Variants in CD8B2 observed in about 807,000 individuals in gnomAD.
The protein encoded by CD8B2 is CD8B family member 2.
A neutral mutation model predicts 23.7 loss-of-function variants in CD8B2; 11 were observed. The ratio of observed to expected loss-of-function variants is 0.46; its 90% CI spans 0.29 to 0.77. CD8B2 has a LOEUF of 0.77. Ranked by LOEUF, CD8B2 falls within the 30% of genes least tolerant of loss-of-function variation. The pLI is 0.09. For missense variants in CD8B2, 197 were observed against 270.5 expected (o/e 0.73, Z 1.91); for synonymous variants, 90 against 109.3 (o/e 0.82, Z 1.10).
At chr2:106,501,742 T>C (rs1573334469) in intron 3 of CD8B2, among the ~76,000 whole-genome samples, 1 of 152,038 alleles carries the variant, frequency 6.6e-6, no homozygotes, top group East Asian at 1.9e-4. Flanking sequence ...TACATAGGCA[T>C]GGAAAGAGAA....
intron 2 of CD8B2, among the ~76,000 whole-genome samples, chr2:106,493,842 C>T (rs1679243919): frequency 6.6e-6 from 1 of 152,216 alleles, no homozygotes; most frequent in African/African-American, 2.4e-5. Flanking sequence ...TTTCAGCTCT[C>T]TGAGCCTAGG....
intron 3 of CD8B2, among the ~76,000 whole-genome samples, chr2:106,497,960 A>G (rs1164902680): frequency 6.6e-6 from 1 of 152,098 alleles, no homozygotes; most frequent in African/African-American, 2.4e-5. Context: ...TGGCACCCCA[A>G]CCCCAGTGAT....
chr2:106,525,697 G>A (rs1204674827), intron 5 of CD8B2, among the ~76,000 whole-genome samples: 1 of 152,020 alleles, frequency 6.6e-6, no homozygotes, highest in African/African-American at 2.4e-5. Flanking sequence ...TACCTATTCT[G>A]GATATTTTAT....
chr2:106,490,748 C>T (rs1679178622), intron 1 of CD8B2, 126 bp from the exon 2 acceptor site: 16 of 1,496,858 alleles, frequency 1.1e-5, no homozygotes, highest in Non-Finnish European at 1.4e-5. Context: ...CAACACACTC[C>T]CTGGACCCAG....
chr2:106,528,924 G>A (rs1407256541), intron 5 of CD8B2, among the ~76,000 whole-genome samples: 1 of 152,220 alleles, frequency 6.6e-6, no homozygotes, highest in Non-Finnish European at 1.5e-5. Context: ...CCTGAAACCT[G>A]CAGCTGTAGG....
At chr2:106,513,703 G>T (rs1483770825), downstream of CD8B2, among the ~76,000 whole-genome samples, 1 of 151,912 alleles carries the variant, frequency 6.6e-6, no homozygotes, top group Admixed American at 6.6e-5. Flanking sequence ...CAAAAGGGAG[G>T]CCATGACTCC....
At chr2:106,497,082 C>T (rs1408114817) in intron 3 of CD8B2, among the ~76,000 whole-genome samples, 1 of 152,148 alleles carries the variant, frequency 6.6e-6, no homozygotes, top group Non-Finnish European at 1.5e-5. Flanking sequence ...TAGAGACCAG[C>T]CTGGGCAACA....
chr2:106,522,496 T>C (rs1194318280), intron 5 of CD8B2, among the ~76,000 whole-genome samples: 1 of 152,208 alleles, frequency 6.6e-6, no homozygotes, highest in African/African-American at 2.4e-5. Context: ...AGTCCAAAGG[T>C]ACTGGAGTGA....
At position 106,507,940 on chromosome 2, in the gene CD8B2, C is replaced by G. The variant is rs1232675759; in HGVS notation, c.*1000C>G. 1 of 148,592 alleles carries G rather than the reference C, an allele frequency of 6.7e-6. No individual in the cohort carries two copies. Among genetic ancestry groups the G allele is most frequent in the Non-Finnish European group, 1.5e-5 (1 of 67,306 alleles). 9.2% of individuals were successfully genotyped at this position (148,592 alleles called of 1,614,324 possible). On this transcript the variant is annotated 3_prime_UTR_variant, in exon 6 of 6. Transcript: ENST00000643224. The stretch of plus-strand genomic sequence containing the variant: ...TACCGCGGGTTGAACCGCAGGGATC[C>G]CTGGCTTCAAGTCAGGCACCAAACA...
At chr2:106,496,449 C>T (rs1343794856) in intron 3 of CD8B2, among the ~76,000 whole-genome samples, 187 bp downstream of exon 3, 2 of 152,118 alleles carry the variant, frequency 1.3e-5, no homozygotes, top group African/African-American at 2.4e-5. Flanking sequence ...GAGACAGACT[C>T]GTAAATTGTT....
At chr2:106,541,203 A>G (rs1348017196) in intron 5 of CD8B2, among the ~76,000 whole-genome samples, 4 of 151,612 alleles carry the variant, frequency 2.6e-5, no homozygotes, top group African/African-American at 9.7e-5. Context: ...TATCACTAGG[A>G]CCTCCCACTA....
downstream of CD8B2, among the ~76,000 whole-genome samples, chr2:106,515,829 CT>C (rs5833191): frequency 0.49 from 72,915 of 149,176 alleles, 17,851 homozygotes; most frequent in East Asian, 0.74. Flanking sequence ...TTAGACTCCT[CT>C]TTTTTTTTTT....
chr2:106,488,145 G>A (rs899802447), intron 1 of CD8B2, among the ~76,000 whole-genome samples: 10 of 152,076 alleles, frequency 6.6e-5, no homozygotes, highest in Non-Finnish European at 1.3e-4. Context: ...CAAACTTGTC[G>A]ATTTGCTCTC....
downstream of CD8B2, among the ~76,000 whole-genome samples, chr2:106,513,596 C>T (rs564094817): frequency 0.036 from 5,397 of 150,756 alleles, 84 homozygotes; most frequent in African/African-American, 0.052. Context: ...GGAGGCTCCT[C>T]TTCCCCACAC....
chr2:106,512,851 T>C (rs371049442), downstream of CD8B2, among the ~76,000 whole-genome samples: 154 of 152,178 alleles, frequency 1.0e-3, no homozygotes, highest in African/African-American at 3.6e-3. Flanking sequence ...AGGATAGACA[T>C]AGTTGGGCCC....
At chr2:106,532,013 C>T (rs868792322) in intron 5 of CD8B2, among the ~76,000 whole-genome samples, 1 of 152,228 alleles carries the variant, frequency 6.6e-6, no homozygotes, top group Non-Finnish European at 1.5e-5. Flanking sequence ...AACAGATCTC[C>T]AGCCAGCTGT....
At chr2:106,490,590 G>A (rs1296209833) in intron 1 of CD8B2, among the ~76,000 whole-genome samples, 1 of 152,214 alleles carries the variant, frequency 6.6e-6, no homozygotes, top group East Asian at 1.9e-4. Flanking sequence ...CTTTATGCAA[G>A]GGCCAGGCAT....
chr2:106,516,653 T>C (rs1679733760), intron 5 of CD8B2, among the ~76,000 whole-genome samples: 1 of 152,208 alleles, frequency 6.6e-6, no homozygotes, highest in Non-Finnish European at 1.5e-5. Flanking sequence ...AGCACTTACT[T>C]GTGAAATCCA....
rs1203144173 is a variant in CD8B2 at position 106,487,400 on chromosome 2, G to A, written c.-27G>A. On this transcript the variant is annotated 5_prime_UTR_variant, in exon 1 of 6. Transcript: ENST00000643224. Reference sequence around the variant, plus strand: ...CCGCGACTGTCTCCGCCGAGCCCCCGGGGCCAGGTGTCCCGGGCGCGCCCC... The same window carrying A: ...CCGCGACTGTCTCCGCCGAGCCCCCAGGGCCAGGTGTCCCGGGCGCGCCCC... The A allele has an allele frequency of 5.7e-6, 7 of 1,220,372 alleles. No homozygotes were observed. Among genetic ancestry groups the A allele is most frequent in the Non-Finnish European group, 7.2e-6 (7 of 977,976 alleles). The allele number at this position is 1,220,372 out of a possible 1,614,324, so 75.6% of individuals were successfully genotyped here. A position where few individuals can be genotyped will look rare whatever the true frequency, so the allele number is the denominator to read the frequency against.
Sources: allele counts gnomAD v4.1 joint callset (sites outside exome capture counted in the v4.1 genomes callset), GRCh38; gene constraint gnomAD v4.1.1; transcripts MANE v1.5; gene names NCBI Gene and HGNC (gene_info 2026-07-23, HGNC 2026-07-21).